The following IL1RAPL2 variants were observed in gnomAD, a reference collection of about 807,000 sequenced individuals.
IL1RAPL2 encodes X-linked interleukin-1 receptor accessory protein-like 2.
A neutral mutation model predicts 44.1 loss-of-function variants in IL1RAPL2; 3 were observed. The ratio of observed to expected loss-of-function variants is 0.07; its 90% CI spans 0.03 to 0.18. The LOEUF (loss-of-function observed/expected upper bound fraction) is 0.18, where lower values mean the gene tolerates loss of function less well. IL1RAPL2 is among the 10% of genes least tolerant of loss of function. The pLI, the probability that IL1RAPL2 is intolerant of heterozygous loss-of-function variation, is 1.00. For synonymous variants in IL1RAPL2, 181 were observed against 178.8 expected (o/e 1.01, Z -0.10); for missense variants, 391 against 496.4 (o/e 0.79, Z 2.02).
intron 1 of IL1RAPL2, among the ~76,000 whole-genome samples, chrX:104,576,164 A>G (rs1474515357): frequency 9.0e-6 from 1 of 111,228 alleles, no homozygotes; most frequent in Non-Finnish European, 1.9e-5. Context: ...TTTTATTACA[A>G]TTTTTAGATG....
At chrX:104,936,562 CAG>C (rs1925031290) in intron 2 of IL1RAPL2, among the ~76,000 whole-genome samples, 1 of 109,014 alleles carries the variant, frequency 9.2e-6, no homozygotes. Flanking sequence ...AAATATTTCA[CAG>C]GTACTAAAAT....
intron 1 of IL1RAPL2, among the ~76,000 whole-genome samples, chrX:104,588,362 T>C (rs1928603757): frequency 9.0e-6 from 1 of 111,478 alleles, no homozygotes; most frequent in African/African-American, 3.3e-5. Context: ...TATCCCCCAC[T>C]TGCACATTCT....
At chrX:105,640,820 T>G (rs1268295145) in intron 6 of IL1RAPL2, among the ~76,000 whole-genome samples, 3 of 102,578 alleles carry the variant, frequency 2.9e-5, no homozygotes, top group East Asian at 6.2e-4. Context: ...CGAGAGAGAG[T>G]GCCAAACAGG....
chrX:105,611,615 C>T (rs1023570355), intron 6 of IL1RAPL2, among the ~76,000 whole-genome samples: 6 of 112,070 alleles, frequency 5.4e-5, no homozygotes, highest in African/African-American at 1.9e-4. Flanking sequence ...ATAGGCTGTA[C>T]AGTATGGCTT....
At chrX:105,714,892 T>C (rs1367552173) in intron 6 of IL1RAPL2, among the ~76,000 whole-genome samples, 5 of 112,368 alleles carry the variant, frequency 4.4e-5, no homozygotes, top group African/African-American at 6.5e-5. Context: ...GGAATGCATA[T>C]GTGTAAGAGT....
At chrX:104,622,660 C>A (rs746328117) in intron 1 of IL1RAPL2, among the ~76,000 whole-genome samples, 9 of 110,808 alleles carry the variant, frequency 8.1e-5, no homozygotes, top group Non-Finnish European at 1.7e-4. Flanking sequence ...CAAGGTGAGG[C>A]TTTTCGTCTG....
chrX:104,888,056 C>T (rs1923302401), intron 2 of IL1RAPL2, among the ~76,000 whole-genome samples: 1 of 111,183 alleles, frequency 9.0e-6, no homozygotes, highest in South Asian at 3.8e-4. Context: ...GGAGAAAGCC[C>T]ATTAAATACC....
chrX:105,456,579 A>T (rs2036056504), intron 5 of IL1RAPL2, among the ~76,000 whole-genome samples: 1 of 111,413 alleles, frequency 9.0e-6, no homozygotes, highest in African/African-American at 3.3e-5. Context: ...TGAGGTAATC[A>T]TGTGGTTTTT....
intron 2 of IL1RAPL2, among the ~76,000 whole-genome samples, chrX:104,770,000 CCTTT>C (rs765020883): frequency 1.8e-5 from 2 of 111,307 alleles, no homozygotes; most frequent in Admixed American, 9.5e-5. Flanking sequence ...CCAGTTTTTT[CCTTT>C]CTTTTTAGTA....
chrX:104,998,146 G>A (rs1025200495), intron 2 of IL1RAPL2, among the ~76,000 whole-genome samples: 1 of 111,395 alleles, frequency 9.0e-6, no homozygotes, highest in African/African-American at 3.3e-5. Context: ...GTGAGTTACA[G>A]GTTAAAAAGG....
chrX:105,449,242 G>A (rs2035999576), intron 5 of IL1RAPL2, among the ~76,000 whole-genome samples: 1 of 111,336 alleles, frequency 9.0e-6, no homozygotes, highest in Non-Finnish European at 1.9e-5. Flanking sequence ...CAATGGCACT[G>A]TGGTTTGTGC....
At chrX:105,488,979 T>A (rs2036289853) in intron 6 of IL1RAPL2, among the ~76,000 whole-genome samples, 1 of 112,280 alleles carries the variant, frequency 8.9e-6, no homozygotes, top group Middle Eastern at 4.7e-3. Context: ...TTTGCTGATT[T>A]AGTGATGACA....
chrX:105,600,110 G>A (rs1332642197), intron 6 of IL1RAPL2, among the ~76,000 whole-genome samples: 2 of 110,450 alleles, frequency 1.8e-5, no homozygotes, highest in South Asian at 3.8e-4. Flanking sequence ...GTTGGCTTTT[G>A]TTTCATTCAA....
At chrX:105,491,951 A>G (rs1910637211) in intron 6 of IL1RAPL2, among the ~76,000 whole-genome samples, 1 of 112,109 alleles carries the variant, frequency 8.9e-6, no homozygotes, top group Non-Finnish European at 1.9e-5. Context: ...TCTCTTAAAT[A>G]GCATGATTGT....
At chrX:104,587,901 G>A (rs913585550) in intron 1 of IL1RAPL2, among the ~76,000 whole-genome samples, 6 of 111,945 alleles carry the variant, frequency 5.4e-5, no homozygotes, top group African/African-American at 1.9e-4. Flanking sequence ...AAGGGAGCAG[G>A]ATTGCTTAGA....
chrX:104,891,955 T>A (rs1032458703), intron 2 of IL1RAPL2, among the ~76,000 whole-genome samples: 1 of 111,554 alleles, frequency 9.0e-6, no homozygotes, highest in Non-Finnish European at 1.9e-5. Context: ...TCTTATTATT[T>A]TGAGATATAT....
intron 3 of IL1RAPL2, among the ~76,000 whole-genome samples, chrX:105,217,477 C>T (rs1327779415): frequency 9.0e-6 from 1 of 111,390 alleles, no homozygotes; most frequent in Non-Finnish European, 1.9e-5. Flanking sequence ...TGTGGAGAAA[C>T]AGGAACACTT....
intron 2 of IL1RAPL2, among the ~76,000 whole-genome samples, chrX:104,748,954 T>C (rs1410170110): frequency 1.8e-5 from 2 of 111,054 alleles, no homozygotes; most frequent in East Asian, 5.7e-4. Flanking sequence ...AGTTCTTATA[T>C]AGGGCCCTTC....
intron 2 of IL1RAPL2, among the ~76,000 whole-genome samples, chrX:104,906,223 G>C (rs985160963): frequency 1.2e-4 from 13 of 111,464 alleles, no homozygotes; most frequent in East Asian, 2.8e-4. Context: ...ATGGGGTTTT[G>C]TAGATATACA....
Sources: gnomAD v4.1 joint callset for allele counts (sites outside exome capture counted in the v4.1 genomes callset) on GRCh38, gnomAD v4.1.1 for gene constraint, MANE v1.5 for transcripts, NCBI Gene and HGNC (gene_info 2026-07-23, HGNC 2026-07-21) for gene names.